FRMPD1: variants seen among roughly 807,000 people sequenced by gnomAD.
The protein encoded by FRMPD1 is FERM and PDZ domain-containing protein 1.
A neutral mutation model predicts 117.8 loss-of-function variants in FRMPD1; 76 were observed. The ratio of observed to expected loss-of-function variants is 0.65; its 90% confidence interval spans 0.54 to 0.78. The LOEUF (loss-of-function observed/expected upper bound fraction) is 0.78. FRMPD1 is among the 30% of genes least tolerant of loss of function. FRMPD1 has a pLI of 0.00. For synonymous variants in FRMPD1, 783 were observed against 770.4 expected (o/e 1.02, Z -0.27); for missense variants, 1,786 against 1,964.5 (o/e 0.91, Z 1.72).
intron 1 of FRMPD1, among the ~76,000 whole-genome samples, chr9:37,671,216 A>G (rs1271189330): frequency 6.6e-6 from 1 of 152,168 alleles, no homozygotes; most frequent in Non-Finnish European, 1.5e-5. Flanking sequence ...CCTCTCACTC[A>G]AGGACTTACT....
At chr9:37,649,374 T>C (rs1266366080), upstream of FRMPD1, among the ~76,000 whole-genome samples, 1 of 152,180 alleles carries the variant, frequency 6.6e-6, no homozygotes, top group Non-Finnish European at 1.5e-5. Flanking sequence ...CTTCCACCCT[T>C]ATGGTGCTTC....
intron 10 of FRMPD1, 148 bp downstream of exon 10, chr9:37,732,588 C>A: frequency 1.3e-6 from 1 of 762,498 alleles, no homozygotes; most frequent in Non-Finnish European, 2.0e-6. Context: ...CCTCTCTAAT[C>A]TGACCTGGCT....
intron 4 of FRMPD1, among the ~76,000 whole-genome samples, chr9:37,709,833 A>G (rs963829774): frequency 1.3e-5 from 2 of 152,190 alleles, no homozygotes; most frequent in African/African-American, 4.8e-5. Context: ...AGTCCAGATG[A>G]TAGAAGGTCT....
intron 2 of FRMPD1, among the ~76,000 whole-genome samples, chr9:37,699,032 C>A (rs1371870918): frequency 3.3e-5 from 5 of 151,942 alleles, no homozygotes; most frequent in African/African-American, 1.2e-4. Flanking sequence ...AGCCACCACA[C>A]CCGGCCTAAT....
intron 2 of FRMPD1, among the ~76,000 whole-genome samples, chr9:37,705,399 C>G (rs1240553698): frequency 6.6e-6 from 1 of 152,148 alleles, no homozygotes; most frequent in African/African-American, 2.4e-5. Context: ...ATGATCTCAG[C>G]TCACTGCAAC....
chr9:37,615,387 A>G, the FRMPD1 span, among the ~76,000 whole-genome samples: 1 of 152,174 alleles, frequency 6.6e-6, no homozygotes, highest in Non-Finnish European at 1.5e-5. Flanking sequence ...CTGGGATTAC[A>G]GGCATGAGCC....
chr9:37,664,275 C>T (rs79923973), intron 1 of FRMPD1, among the ~76,000 whole-genome samples: 2,803 of 150,814 alleles, frequency 0.019, 103 homozygotes, highest in African/African-American at 0.064. Flanking sequence ...TGTAGGGCAT[C>T]GACATTTATG....
intron 10 of FRMPD1, 82 bp from the exon 11 acceptor site, chr9:37,733,391 T>G: frequency 3.7e-6 from 5 of 1,351,218 alleles, no homozygotes; most frequent in Non-Finnish European, 5.1e-6. Flanking sequence ...CACTAAGTAC[T>G]GAATCAAATG....
At chr9:37,738,764 C>T (rs1824249884) in intron 14 of FRMPD1, among the ~76,000 whole-genome samples, 2 of 152,106 alleles carry the variant, frequency 1.3e-5, no homozygotes, top group East Asian at 1.9e-4. Flanking sequence ...CTGCTGCTGC[C>T]TGTCAGAGAA....
intron 6 of FRMPD1, among the ~76,000 whole-genome samples, chr9:37,719,476 G>A (rs10738986): frequency 0.64 from 97,731 of 152,014 alleles, 31,822 homozygotes; most frequent in Non-Finnish European, 0.7. Flanking sequence ...TTAATTTCTC[G>A]TTATGCATCT....
the FRMPD1 span, among the ~76,000 whole-genome samples, chr9:37,612,173 T>C: frequency 1.3e-5 from 2 of 152,130 alleles, no homozygotes; most frequent in Non-Finnish European, 2.9e-5. Flanking sequence ...GAAGTAAACA[T>C]TCATTATTGT....
chr9:37,642,292 T>C, the FRMPD1 span, among the ~76,000 whole-genome samples: 1 of 152,212 alleles, frequency 6.6e-6, no homozygotes, highest in East Asian at 1.9e-4. Context: ...GTTAGTATAT[T>C]AAAAATACAT....
At chr9:37,735,342 G>A (rs1824070176) in intron 12 of FRMPD1, among the ~76,000 whole-genome samples, 1 of 152,170 alleles carries the variant, frequency 6.6e-6, no homozygotes, top group Non-Finnish European at 1.5e-5. Context: ...CTGTGGCTCA[G>A]GGCTATATTG....
At chr9:37,719,206 T>C (rs1823285561) in intron 6 of FRMPD1, 30 bp downstream of exon 6, 1 of 1,381,494 alleles carries the variant, frequency 7.2e-7, no homozygotes, top group African/African-American at 1.4e-5. Flanking sequence ...ATTGAAATTA[T>C]GAAGCTGGCG....
intron 1 of FRMPD1, among the ~76,000 whole-genome samples, chr9:37,678,450 G>C (rs1821608123): frequency 1.3e-5 from 2 of 151,778 alleles, no homozygotes; most frequent in Admixed American, 1.3e-4. Context: ...TAGTAGAGAT[G>C]GGGTTTCACC....
chr9:37,636,730 G>C, the FRMPD1 span: 20 of 1,587,308 alleles, frequency 1.3e-5, no homozygotes, highest in South Asian at 1.4e-4. Context: ...GGGTGCTGTC[G>C]ATCTTGAGAT....
At chr9:37,620,698 C>G in the FRMPD1 span, among the ~76,000 whole-genome samples, 1 of 151,878 alleles carries the variant, frequency 6.6e-6, no homozygotes, top group Non-Finnish European at 1.5e-5. Flanking sequence ...TATTTATATG[C>G]TATAGAAAGT....
intron 8 of FRMPD1, among the ~76,000 whole-genome samples, chr9:37,730,185 C>T (rs1378228119): frequency 6.6e-6 from 1 of 152,216 alleles, no homozygotes; most frequent in African/African-American, 2.4e-5. Flanking sequence ...TCTTCCCTTG[C>T]ACCTGCTGCC....
At chr9:37,721,829 T>C (rs1035100870) in intron 6 of FRMPD1, among the ~76,000 whole-genome samples, 3 of 152,204 alleles carry the variant, frequency 2.0e-5, no homozygotes, top group Admixed American at 6.5e-5. Context: ...ATTATGAACA[T>C]TAAGCCCACC....
Sources: gnomAD v4.1 joint callset for allele counts (sites outside exome capture counted in the v4.1 genomes callset) on GRCh38, gnomAD v4.1.1 for gene constraint, MANE v1.5 for transcripts, NCBI Gene and HGNC (gene_info 2026-07-23, HGNC 2026-07-21) for gene names.